Variants in DDX49 observed in about 807,000 individuals in gnomAD.
DDX49 encodes the protein DEAD-box helicase 49, also known as probable ATP-dependent RNA helicase DDX49.
In DDX49, 50 loss-of-function variants were observed where a neutral mutation model predicts 56.3. The ratio of observed to expected loss-of-function variants is 0.89; its 90% CI spans 0.71 to 1.12. The LOEUF (loss-of-function observed/expected upper bound fraction) is 1.12, where lower values mean the gene tolerates loss of function less well. Ranked by LOEUF, DDX49 falls within the 50% of genes most tolerant of loss-of-function variation. DDX49 has a pLI of 0.00. For missense variants in DDX49, 614 were observed against 650.5 expected (o/e 0.94, Z 0.61); for synonymous variants, 269 against 270.6 (o/e 0.99, Z 0.06).
chr19:18,920,529 C>A, intron 1 of DDX49, 51 bp from the exon 2 acceptor site: 1 of 1,546,556 alleles, frequency 6.5e-7, no homozygotes, highest in Non-Finnish European at 8.8e-7. Flanking sequence ...GTCTCTGAAA[C>A]CCAGCTGTCC....
Position 18,921,859 on chromosome 19 carries a change from G to A in DDX49, c.342G>A (p.Ala114=), listed in dbSNP as rs778840526. The A allele has an allele frequency of 8.1e-6, 13 of 1,613,846 alleles. No homozygotes were observed. Among genetic ancestry groups the A allele is most frequent in the East Asian group, 2.2e-5 (1 of 44,898 alleles). The change falls in exon 4 of 13, where the codon GCG becomes GCA. Residue 114 remains alanine (A), a synonymous_variant. Coordinates refer to ENST00000247003, the MANE Select transcript of DDX49 (RefSeq NM_019070.5). ...GTCCCCCAGACATGGTGGCCCAGGCGCTGGAGCTCTCTCGGAAACCACACG... is the reference window on the plus strand; with the variant it reads ...GTCCCCCAGACATGGTGGCCCAGGCACTGGAGCTCTCTCGGAAACCACACG... ...IVGGMDMVAQ[A]LELSRKPHVV...
In DDX49 at chr19:18,928,308, C is replaced by G; in HGVS notation, c.1444C>G (p.Leu482Val). 6.5e-7 allele frequency: 1 copy of G among 1,549,160 alleles called. No individual in the cohort carries two copies. The highest frequency in any genetic ancestry group is 8.7e-7 in the Non-Finnish European group (1 of 1,148,514). ...CTCAGGCCCAGTCCCCTCCCAGGGC[C>G]TGGTCTGAGCCCCACACGGCCATCT... ...SHSGPVPSQG[L>V]V Residue 482 changes from leucine to valine, a missense_variant, in exon 13 of 13, where the codon CTG becomes GTG. Transcript: ENST00000247003.
intron 10 of DDX49, 71 bp downstream of exon 10, chr19:18,926,448 A>G (rs2056962485): frequency 4.0e-6 from 5 of 1,241,762 alleles, no homozygotes; most frequent in Non-Finnish European, 4.6e-6. Context: ...TCGGGGTGAG[A>G]CCCATTTTCC....
chr19:18,924,826 C>T lies in DDX49; in HGVS notation c.930-56C>T. 4 of 1,612,024 alleles carry T rather than the reference C, an allele frequency of 2.5e-6. No individual in the cohort carries two copies. In the South Asian group the frequency reaches 4.4e-5, roughly 18 times the overall value. On this transcript the variant is annotated intron_variant, in intron 8 of 12. Transcript: ENST00000247003. ...CCTGCTGAGTGACCCTGGGTGAGTC[C>T]TTGCCTCGGTTTCCCCACATGGACA... is the stretch of plus-strand genomic sequence containing the variant.
chr19:18,922,850 C>A, intron 6 of DDX49, 106 bp downstream of exon 6: 1 of 1,435,874 alleles, frequency 7.0e-7, no homozygotes, highest in Non-Finnish European at 9.5e-7. Context: ...CCAGCCTCTG[C>A]TCAGCCTGGA....
In DDX49 at chr19:18,919,758, A is replaced by G. The variant is rs764186802; in HGVS notation, c.17A>G (p.Glu6Gly). The G allele has an allele frequency of 6.2e-7, 1 of 1,611,570 alleles. No individual in the cohort carries two copies. Among genetic ancestry groups the G allele is most frequent in the South Asian group, 1.1e-5 (1 of 91,054 alleles). MAGFA[E>G]LGLSSWLVEQ... is the part of the protein sequence containing the mutation. ...GCCACAAGGATGGCAGGCTTCGCGGAGCTCGGGCTGTCATCGTGGCTCGTG... is the reference window on the plus strand; with the variant it reads ...GCCACAAGGATGGCAGGCTTCGCGGGGCTCGGGCTGTCATCGTGGCTCGTG... The change falls in exon 1 of 13, where the codon GAG (glutamate) becomes GGG (glycine). Residue 6 changes from glutamate (E) to glycine (G), a missense_variant. Physicochemically the swap from Glu to Gly is moderately conservative, Grantham distance 98 (BLOSUM62 -2). Transcript: ENST00000247003.
rs2145110517 is a variant in DDX49 at position 18,928,000 on chromosome 19, G to T, written c.1227G>T (p.Glu409Asp). 1 of 1,613,848 alleles carries T rather than the reference G, an allele frequency of 6.2e-7. No individual in the cohort carries two copies. The highest frequency in any genetic ancestry group is 1.3e-5 in the African/African-American group (1 of 74,944). Residue 409 changes from glutamate to aspartate, a missense_variant, in exon 12 of 13, where the codon GAG becomes GAT. Physicochemically the swap from Glu to Asp is conservative, Grantham distance 45. Transcript: ENST00000247003. ...LEAAHFDEKK[E>D]INKRKQLILE... ...CGGCCCACTTTGACGAAAAGAAGGA[G>T]ATCAACAAACGGAAGCAGCTGATCC... is the stretch of plus-strand genomic sequence containing the variant.
chr19:18,925,161 A>AACCCGGGAGGTTGC, intron 9 of DDX49, 182 bp downstream of exon 9: 2 of 663,044 alleles, frequency 3.0e-6, no homozygotes, highest in East Asian at 2.9e-5. Flanking sequence ...CGGGAGGCTG[A>AACCCGGGAGGTTGC]GGCAAGAAGA....
rs140965560 is a variant in DDX49 at position 18,926,260 on chromosome 19, C to T, written c.1028-43C>T. 9.1e-4 allele frequency: 1,415 copies of T among 1,547,454 alleles called. 8 individuals carry two copies. The African/African-American group carries it at 0.015, about 16-fold the overall frequency. On this transcript the variant is annotated intron_variant, in intron 9 of 12. Coordinates refer to ENST00000247003, the MANE Select transcript of DDX49 (RefSeq NM_019070.5). The stretch of plus-strand genomic sequence containing the variant: ...GGATCTACCTTTATTCGCCCCATGT[C>T]CTGACGCCCAGCACATAGCAGATAA...
intron 11 of DDX49, 21 bp from the exon 12 acceptor site, chr19:18,927,944 T>C (rs1226862991): frequency 6.2e-7 from 1 of 1,613,836 alleles, no homozygotes; most frequent in Admixed American, 1.7e-5. Context: ...AGCATCTCCT[T>C]ACCCCACTTC....
At chr19:18,928,080 C>G in intron 12 of DDX49, 44 bp downstream of exon 12, 1 of 1,612,562 alleles carries the variant, frequency 6.2e-7, no homozygotes, top group Non-Finnish European at 8.5e-7. Flanking sequence ...GCCAGGTTCC[C>G]TGGCGGGGGC....
Position 18,921,756 on chromosome 19 carries a change from A to G in DDX49, c.325+8A>G, listed in dbSNP as rs534268945. The G allele has an allele frequency of 6.2e-7, 1 of 1,614,044 alleles. No individual in the cohort carries two copies. The highest frequency in any genetic ancestry group is 1.7e-5 in the Admixed American group (1 of 60,004). ...TCATCGTCGGTGGCATGGGTACGGG[A>G]GCTGGGAGGCGGGGGAAGCCCCAGC... is the stretch of plus-strand genomic sequence containing the variant. On this transcript the variant is annotated splice_region_variant and intron_variant, in intron 3 of 12. Coordinates refer to ENST00000247003, the MANE Select transcript of DDX49 (RefSeq NM_019070.5).
At chr19:18,927,670 A>AT (rs1601258016) in intron 10 of DDX49, 96 bp from the exon 11 acceptor site, 1 of 1,028,270 alleles carries the variant, frequency 9.7e-7, no homozygotes, top group Non-Finnish European at 1.5e-6. Flanking sequence ...ATGGCCTTGC[A>AT]TACCCCACAG....
At chr19:18,922,193 G>A in intron 4 of DDX49, 133 bp from the exon 5 acceptor site, 1 of 1,246,700 alleles carries the variant, frequency 8.0e-7, no homozygotes, top group Non-Finnish European at 1.1e-6. Flanking sequence ...GTGAGGGGCA[G>A]GCCTCCCTTG....
chr19:18,928,295 C>T lies in DDX49; in HGVS notation c.1431C>T (p.Val477=), dbSNP rs1167257391. ...RTPSGSHSGP[V]PSQGLV Reference sequence around the variant, plus strand: ...CGTCTGGGTCCCACTCAGGCCCAGTCCCCTCCCAGGGCCTGGTCTGAGCCC... The same window carrying T: ...CGTCTGGGTCCCACTCAGGCCCAGTTCCCTCCCAGGGCCTGGTCTGAGCCC... Residue 477 remains valine (V), a synonymous_variant, in exon 13 of 13, where the codon GTC becomes GTT. Transcript: ENST00000247003. 1.3e-6 allele frequency: 2 copies of T among 1,568,916 alleles called. No homozygotes were observed. Among genetic ancestry groups the T allele is most frequent in the East Asian group, 2.3e-5 (1 of 42,918 alleles).
intron 9 of DDX49, chr19:18,925,301 A>G (rs111304645): frequency 0.09 from 24,959 of 277,808 alleles, 1,347 homozygotes; most frequent in Non-Finnish European, 0.11. Context: ...CACGCCTGTA[A>G]TCTTAGCACT....
At chr19:18,923,826 T>C (rs1019918041) in intron 6 of DDX49, among the ~76,000 whole-genome samples, 5 of 150,632 alleles carry the variant, frequency 3.3e-5, no homozygotes, top group Non-Finnish European at 7.4e-5. Flanking sequence ...TTTTTTTTTT[T>C]TTTGAGAGTC....
Position 18,922,411 on chromosome 19 carries a change from C to T in DDX49, c.533C>T (p.Ala178Val). 1.9e-6 allele frequency: 3 copies of T among 1,609,906 alleles called. No homozygotes were observed. Among genetic ancestry groups the T allele is most frequent in the Non-Finnish European group, 2.5e-6 (3 of 1,179,326 alleles). ...DLEAILAAVP[A>V]RRQTLLFSAT... ...GAGGCCATCCTGGCGGCTGTGCCGG[C>T]CCGCAGGCAGACACTGCTGTTCAGC... Residue 178 changes from alanine to valine, a missense_variant, in exon 5 of 13, where the codon GCC becomes GTC. By Grantham distance (64) the Ala-to-Val change is moderately conservative. Transcript: ENST00000247003.
intron 10 of DDX49, among the ~76,000 whole-genome samples, chr19:18,926,968 G>A (rs2056965989): frequency 6.6e-6 from 1 of 151,730 alleles, no homozygotes. Context: ...AGCTACTTGG[G>A]AGGGTGAGGC....
Sources: gnomAD v4.1 joint callset for allele counts (sites outside exome capture counted in the v4.1 genomes callset) on GRCh38, gnomAD v4.1.1 for gene constraint, MANE v1.5 for transcripts, NCBI Gene and HGNC (gene_info 2026-07-23, HGNC 2026-07-21) for gene names.